Variants in SLC38A3 observed in about 807,000 individuals in gnomAD.
SLC38A3 encodes the protein sodium-coupled neutral amino acid transporter 3.
Under a neutral mutation model 59.5 loss-of-function variants are expected in SLC38A3, and 17 were observed. The ratio of observed to expected loss-of-function variants is 0.29; its 90% confidence interval spans 0.20 to 0.43. The LOEUF (loss-of-function observed/expected upper bound fraction) is 0.43. Among genes scored for constraint, SLC38A3 ranks in the 20% least tolerant of loss-of-function variants. The pLI is 1.00. For missense variants in SLC38A3, 454 were observed against 653.9 expected (o/e 0.69, Z 3.33); for synonymous variants, 238 against 260.3 (o/e 0.91, Z 0.82).
At chr3:50,207,515 A>C (rs1205056841) in intron 1 of SLC38A3, 3 of 152,144 alleles carry the variant, frequency 2.0e-5, no homozygotes, top group Admixed American at 1.3e-4. Flanking sequence ...ACAGGGTTTC[A>C]TCATGTTGTC....
At chr3:50,209,290 G>A (rs2109149660) in intron 1 of SLC38A3, among the ~76,000 whole-genome samples, 1 of 152,314 alleles carries the variant, frequency 6.6e-6, no homozygotes, top group Middle Eastern at 3.4e-3. Flanking sequence ...AGGGTCCAGG[G>A]CTGGGTGGGA....
rs750717419 is a variant in SLC38A3, at chr3:50,217,458, G to T, written c.675G>T (p.Val225=). Residue 225 remains valine (V), a synonymous_variant, in exon 9 of 16, where the codon GTG becomes GTT. Transcript: ENST00000614032. The surrounding 1 kb of genome is among the most constrained non-coding windows in gnomAD (Gnocchi z 4.9). ...YSSGFSLSCM[V]FFLIAVIYKK... The stretch of plus-strand genomic sequence containing the variant: ...GCGGCTTCTCTCTTAGCTGCATGGT[G>T]TTCTTCCTAATTGCAGTGAGTCACC... The T allele has an allele frequency of 1.9e-6, 3 of 1,613,334 alleles. No homozygotes were observed. Among genetic ancestry groups the T allele is most frequent in the Non-Finnish European group, 2.5e-6 (3 of 1,179,624 alleles).
chr3:50,208,839 G>T (rs1044997678), intron 1 of SLC38A3, among the ~76,000 whole-genome samples: 4 of 152,188 alleles, frequency 2.6e-5, no homozygotes, highest in African/African-American at 9.7e-5. Flanking sequence ...TGGAGCTAAT[G>T]ACTGTGTTTT....
intron 1 of SLC38A3, among the ~76,000 whole-genome samples, chr3:50,212,101 C>T (rs1384757869): frequency 6.6e-6 from 1 of 152,216 alleles, no homozygotes; most frequent in African/African-American, 2.4e-5. Context: ...TACCAGGCCC[C>T]AAAGGTCTAG....
intron 1 of SLC38A3, among the ~76,000 whole-genome samples, chr3:50,206,967 CACA>C (rs1454077834): frequency 1.3e-5 from 2 of 152,206 alleles, no homozygotes; most frequent in Admixed American, 6.5e-5. Context: ...GAAACTGAGG[CACA>C]ACAAGACTGG....
chr3:50,206,508 G>A (rs1391205072), intron 1 of SLC38A3, among the ~76,000 whole-genome samples: 1 of 152,238 alleles, frequency 6.6e-6, no homozygotes, highest in Non-Finnish European at 1.5e-5. Flanking sequence ...GGGGCTCTCA[G>A]TCTGGGGGAT....
rs1165699793 is a variant in SLC38A3, at chr3:50,220,266, A to C, written c.*89A>C. ...CTCCCATCCAGTGGCCAGTCGGGGG[A>C]GGAGAAAGACGCGATTAACACTGTG... On this transcript the variant is annotated 3_prime_UTR_variant, in exon 16 of 16. Transcript: ENST00000614032. 1 of 992,468 alleles carries C rather than the reference A, an allele frequency of 1.0e-6. No homozygotes were observed. Among genetic ancestry groups the C allele is most frequent in the Non-Finnish European group, 1.5e-6 (1 of 649,794 alleles). The allele number at this position is 992,468 out of a possible 1,614,324, so 61.5% of individuals were successfully genotyped here. A position where few individuals can be genotyped will look rare whatever the true frequency, so the allele number is the denominator to read the frequency against.
intron 1 of SLC38A3, among the ~76,000 whole-genome samples, chr3:50,209,431 G>A (rs1699693196): frequency 6.6e-6 from 1 of 152,122 alleles, no homozygotes; most frequent in Admixed American, 6.5e-5. Context: ...GGTGGATCAC[G>A]AGGTCAGGAG....
rs74736546 is a variant in SLC38A3 at position 50,211,186 on chromosome 3, G to A, written c.-51-2963G>A. On this transcript the variant is annotated intron_variant, in intron 1 of 15. Coordinates refer to ENST00000614032, the MANE Select transcript of SLC38A3 (RefSeq NM_006841.6). ...TGAGTTTACCCCGATTCCGATTCCC[G>A]GATACAAAGGAGCCTGGGAGGCCAC... Among the ~76,000 whole-genome samples, 6 of 152,294 alleles carry A rather than the reference G, an allele frequency of 3.9e-5. No individual in the cohort carries two copies. In the South Asian group the frequency reaches 6.2e-4, roughly 16 times the overall value.
At position 50,215,686 on chromosome 3, in the gene SLC38A3, AGCTG is replaced by A; in HGVS notation, c.467-48_467-45del. On this transcript the variant is annotated intron_variant, in intron 6 of 15. Coordinates refer to ENST00000614032, the MANE Select transcript of SLC38A3 (RefSeq NM_006841.6). The surrounding 1 kb of genome is among the most constrained non-coding windows in gnomAD (Gnocchi z 7.1). ...CAGTAGGGAGGTGGACAGCCCTGAA[AGCTG>A]GCTGGTTGGGCTGACCTCAGCGCCT... 6.2e-7 allele frequency: 1 copy of A among 1,611,064 alleles called. No homozygotes were observed. The highest frequency in any genetic ancestry group is 8.5e-7 in the Non-Finnish European group (1 of 1,178,096).
In SLC38A3 at chr3:50,217,580, C is replaced by G; in HGVS notation, c.691-96C>G. Reference sequence around the variant, plus strand: ...TCTCTGGGAAGCCTGGGCCAGAAGGCAGCTCCACCAGTCCTGATCTAGATG... The same window carrying G: ...TCTCTGGGAAGCCTGGGCCAGAAGGGAGCTCCACCAGTCCTGATCTAGATG... On this transcript the variant is annotated intron_variant, in intron 9 of 15. Transcript: ENST00000614032. The surrounding 1 kb of genome is among the most constrained non-coding windows in gnomAD (Gnocchi z 4.9). The G allele has an allele frequency of 6.3e-7, 1 of 1,578,700 alleles. No homozygotes were observed. Among genetic ancestry groups the G allele is most frequent in the Non-Finnish European group, 8.7e-7 (1 of 1,152,864 alleles).
Position 50,214,968 on chromosome 3 carries a change from CA to C in SLC38A3, c.299+202del. ...CTGCCCAGTAAACCGACTGAGGTCA[CA>C]ACACAGGCCGGTCTTACAGGCCAGA... is the stretch of plus-strand genomic sequence containing the variant. On this transcript the variant is annotated intron_variant, in intron 4 of 15. Coordinates refer to ENST00000614032, the MANE Select transcript of SLC38A3 (RefSeq NM_006841.6). The surrounding 1 kb of genome is among the most constrained non-coding windows in gnomAD (Gnocchi z 6.0). 2 of 606,434 alleles carry C rather than the reference CA, an allele frequency of 3.3e-6. No homozygotes were observed. The highest frequency in any genetic ancestry group is 5.8e-6 in the Non-Finnish European group (2 of 342,956). 37.6% of individuals were successfully genotyped at this position (606,434 alleles called of 1,614,324 possible).
At position 50,215,328 on chromosome 3, in the gene SLC38A3, C is replaced by T. The variant is rs1037846249; in HGVS notation, c.300-58C>T. The T allele has an allele frequency of 3.9e-6, 6 of 1,533,042 alleles. No homozygotes were observed. Among genetic ancestry groups the T allele is most frequent in the Non-Finnish European group, 5.4e-6 (6 of 1,107,132 alleles). The allele number at this position is 1,533,042 out of a possible 1,614,324, so 95.0% of individuals were successfully genotyped here. ...GCCTCCCAGAGCCCCTCACCCTCTG[C>T]CAGCCACGGTAGCCCCCCAGTGGCC... On this transcript the variant is annotated intron_variant, in intron 4 of 15. Coordinates refer to ENST00000614032, the MANE Select transcript of SLC38A3 (RefSeq NM_006841.6). This position sits in a 1 kb window ranked among gnomAD's most constrained non-coding sequence, Gnocchi z 7.1.
Position 50,215,334 on chromosome 3 carries a change from A to G in SLC38A3, c.300-52A>G, listed in dbSNP as rs1699801897. The G allele has an allele frequency of 1.9e-6, 3 of 1,564,458 alleles. No homozygotes were observed. Among genetic ancestry groups the G allele is most frequent in the Non-Finnish European group, 2.6e-6 (3 of 1,135,202 alleles). ...CAGAGCCCCTCACCCTCTGCCAGCC[A>G]CGGTAGCCCCCCAGTGGCCTCTTTT... On this transcript the variant is annotated intron_variant, in intron 4 of 15. Coordinates refer to ENST00000614032, the MANE Select transcript of SLC38A3 (RefSeq NM_006841.6). This position sits in a 1 kb window ranked among gnomAD's most constrained non-coding sequence, Gnocchi z 7.1.
At position 50,218,980 on chromosome 3, in the gene SLC38A3, TATTGCCCCAGAGG is replaced by T; in HGVS notation, c.1306+36_1306+48del. 5 of 1,592,908 alleles carry T rather than the reference TATTGCCCCAGAGG, an allele frequency of 3.1e-6. No homozygotes were observed. Among genetic ancestry groups the T allele is most frequent in the Non-Finnish European group, 4.3e-6 (5 of 1,163,922 alleles). On this transcript the variant is annotated intron_variant, in intron 14 of 15. Coordinates refer to ENST00000614032, the MANE Select transcript of SLC38A3 (RefSeq NM_006841.6). The surrounding 1 kb of genome is among the most constrained non-coding windows in gnomAD (Gnocchi z 5.8). ...GTCTGGCCCTGCTGTGGAAGCAGGG[TATTGCCCCAGAGG>T]ATTTCAACTCTGCAAATCCTGGCAG... is the stretch of plus-strand genomic sequence containing the variant.
chr3:50,218,724 T>TA lies in SLC38A3; in HGVS notation c.1161+7_1161+8insA. ...GCCCATCGTTCTGTTCCCGGTGAGC[T>TA]GGTGGGCAGGTGGCTAGACTAGTGG... is the stretch of plus-strand genomic sequence containing the variant. On this transcript the variant is annotated splice_region_variant and intron_variant, in intron 13 of 15. Transcript: ENST00000614032. This position sits in a 1 kb window ranked among gnomAD's most constrained non-coding sequence, Gnocchi z 5.8. 6.2e-7 allele frequency: 1 copy of TA among 1,604,118 alleles called. No individual in the cohort carries two copies. Among genetic ancestry groups the TA allele is most frequent in the Non-Finnish European group, 8.5e-7 (1 of 1,171,510 alleles).
intron 1 of SLC38A3, among the ~76,000 whole-genome samples, chr3:50,213,577 C>T (rs1248057302): frequency 2.6e-5 from 4 of 152,250 alleles, no homozygotes; most frequent in African/African-American, 9.6e-5. Context: ...CCACAGAGGG[C>T]TCTTTGTTCT....
rs759842322 is a variant in SLC38A3 at position 50,214,674 on chromosome 3, G to A, written c.205G>A (p.Gly69Arg). 18 of 1,611,428 alleles carry A rather than the reference G, an allele frequency of 1.1e-5. No individual in the cohort carries two copies. Among genetic ancestry groups the A allele is most frequent in the South Asian group, 3.3e-5 (3 of 90,730 alleles). Residue 69 changes from glycine to arginine, a missense_variant, in exon 4 of 16, where the codon GGG becomes AGG. Around this residue, in one of 3 missense-constraint regions of SLC38A3, gnomAD observed 390 missense variants for 557.9 expected, o/e 0.70. Transcript: ENST00000614032. The surrounding 1 kb of genome is among the most constrained non-coding windows in gnomAD (Gnocchi z 6.0). The part of the protein sequence containing the change: ...FTDFEGKTSF[G>R]MSVFNLSNAI... ...GCAGTTCGAGGGGAAGACATCATTC[G>A]GGATGTCAGTGTTCAACCTCAGCAA...
chr3:50,208,018 G>A (rs1699668473), intron 1 of SLC38A3: 1 of 152,322 alleles, frequency 6.6e-6, no homozygotes, highest in Admixed American at 6.5e-5. Flanking sequence ...TTCCAGTTGG[G>A]CCTGGCCTTG....
Sources: gnomAD v4.1 joint callset for allele counts (sites outside exome capture counted in the v4.1 genomes callset) on GRCh38, gnomAD v4.1.1 for gene constraint, gnomAD v4.1.1 regional missense constraint, Gnocchi (gnomAD v3.1) non-coding constraint, MANE v1.5 for transcripts, NCBI Gene and HGNC (gene_info 2026-07-23, HGNC 2026-07-21) for gene names.